Variants in LINGO2 observed in about 807,000 individuals in gnomAD.
The protein encoded by LINGO2 is leucine rich repeat and Ig domain containing 2, also known as leucine-rich repeat and immunoglobulin-like domain-containing nogo receptor-interacting protein 2.
A neutral mutation model predicts 30.6 loss-of-function variants in LINGO2; 14 were observed. The ratio of observed to expected loss-of-function variants is 0.46; its 90% confidence interval spans 0.30 to 0.72. The LOEUF (loss-of-function observed/expected upper bound fraction) is 0.72. LINGO2 is among the 30% of genes least tolerant of loss of function. The pLI is 0.07. For missense variants in LINGO2, 729 were observed against 751.7 expected, an observed-to-expected ratio of 0.97 and a Z score of 0.35; for synonymous variants, 317 against 288.5, an observed-to-expected ratio of 1.10 and a Z score of -1.00.
downstream of LINGO2, chr9:27,944,397 A>C (rs1823285341): frequency 6.6e-6 from 1 of 152,152 alleles, no homozygotes; most frequent in South Asian, 2.1e-4. Flanking sequence ...CTGGAATGTA[A>C]ATGAGAAGGC....
the LINGO2 span, chr9:27,941,860 T>A: frequency 6.6e-6 from 1 of 152,232 alleles, no homozygotes. Context: ...TTTATTTTTT[T>A]TGTGGCTTCC....
the LINGO2 span, among the ~76,000 whole-genome samples, chr9:29,124,108 A>T: frequency 5.3e-5 from 8 of 152,168 alleles, no homozygotes; most frequent in Admixed American, 2.6e-4. Context: ...ATAAAACCAC[A>T]CATCTACAAC....
At chr9:28,298,614 C>T (rs1225694948) in intron 3 of LINGO2, among the ~76,000 whole-genome samples, 17 of 149,060 alleles carry the variant, frequency 1.1e-4, no homozygotes, top group African/African-American at 4.0e-4. Context: ...ACCTGGGAGG[C>T]AGAGGTTGTG....
rs141883628 is a variant in LINGO2 at position 28,011,303 on chromosome 9, A to G, written c.-36+1052T>C. Among the ~76,000 whole-genome samples, 513 of 152,272 alleles carry G rather than the reference A, an allele frequency of 3.4e-3. 2 individuals carry two copies. Among genetic ancestry groups the G allele is most frequent in the Non-Finnish European group, 4.9e-3 (332 of 68,012 alleles). On this transcript the variant is annotated intron_variant, in intron 5 of 5. Transcript: ENST00000379992. ...CATTTGTTTGGAAAAATTCCTTCAC[A>G]GGTTGTTTTAGGAGGTGAGACAGGC... is the stretch of plus-strand genomic sequence containing the variant.
chr9:28,691,578 A>G, the LINGO2 span, among the ~76,000 whole-genome samples: 1 of 124,164 alleles, frequency 8.1e-6, no homozygotes, highest in Non-Finnish European at 1.9e-5. Context: ...AGAAACTGAG[A>G]AAAAAAAATT....
At chr9:29,160,034 G>T in the LINGO2 span, among the ~76,000 whole-genome samples, 3 of 152,100 alleles carry the variant, frequency 2.0e-5, no homozygotes, top group Non-Finnish European at 2.9e-5. Flanking sequence ...AATAGAATCT[G>T]GTGTTGAATT....
intron 3 of LINGO2, among the ~76,000 whole-genome samples, chr9:28,356,239 A>T (rs1352974735): frequency 2.6e-5 from 4 of 152,290 alleles, no homozygotes; most frequent in Admixed American, 2.6e-4. Flanking sequence ...TTTTAAAAAA[A>T]ATCATTGAAT....
intron 1 of LINGO2, among the ~76,000 whole-genome samples, chr9:28,537,615 G>C (rs1315190119): frequency 6.6e-6 from 1 of 151,764 alleles, no homozygotes; most frequent in Admixed American, 6.6e-5. Flanking sequence ...AGCTGAAGAA[G>C]AATTTAGTAA....
chr9:28,061,445 TTTTG>T (rs1356306382), intron 4 of LINGO2, among the ~76,000 whole-genome samples: 10 of 151,966 alleles, frequency 6.6e-5, no homozygotes, highest in Non-Finnish European at 1.2e-4. Flanking sequence ...CTTTTACCTT[TTTTG>T]TTTATGTGCA....
At chr9:28,403,004 A>G (rs1001085240) in intron 2 of LINGO2, among the ~76,000 whole-genome samples, 1 of 152,208 alleles carries the variant, frequency 6.6e-6, no homozygotes, top group Admixed American at 6.5e-5. Flanking sequence ...TTCTTAATGC[A>G]TAAAATAATG....
chr9:28,196,633 G>T (rs904728507), intron 4 of LINGO2, among the ~76,000 whole-genome samples: 7 of 152,000 alleles, frequency 4.6e-5, no homozygotes, highest in Admixed American at 1.3e-4. Flanking sequence ...CCATTTTTTA[G>T]ATAGGAAGAT....
exon 6 of LINGO2, chr9:27,949,108 T>G: frequency 6.2e-7 from 1 of 1,614,168 alleles, no homozygotes; most frequent in Non-Finnish European, 8.5e-7. Flanking sequence ...ATGGTGTCAT[T>G]GGAGTCGGTC....
chr9:28,150,367 A>T (rs1024513438), intron 4 of LINGO2, among the ~76,000 whole-genome samples: 4 of 152,108 alleles, frequency 2.6e-5, no homozygotes, highest in Admixed American at 6.5e-5. Flanking sequence ...CTTTTTAATT[A>T]AAAAAAAGGA....
At chr9:28,518,813 T>A (rs1256219430) in intron 1 of LINGO2, among the ~76,000 whole-genome samples, 1 of 152,158 alleles carries the variant, frequency 6.6e-6, no homozygotes, top group East Asian at 1.9e-4. Flanking sequence ...AACATTAAAT[T>A]TGTATGCTTT....
intron 1 of LINGO2, among the ~76,000 whole-genome samples, chr9:28,669,872 A>G (rs1828947931): frequency 6.6e-6 from 1 of 152,106 alleles, no homozygotes; most frequent in Non-Finnish European, 1.5e-5. Context: ...ATATTAGAAC[A>G]TGCTAAAATG....
intron 4 of LINGO2, among the ~76,000 whole-genome samples, chr9:28,280,279 A>G (rs1823272598): frequency 6.6e-6 from 1 of 152,174 alleles, no homozygotes; most frequent in Non-Finnish European, 1.5e-5. Context: ...TAAGATACAT[A>G]AGAGTCCACA....
chr9:28,134,053 T>C (rs1290352609), intron 4 of LINGO2, among the ~76,000 whole-genome samples: 1 of 152,204 alleles, frequency 6.6e-6, no homozygotes, highest in East Asian at 1.9e-4. Context: ...CTCCCTTATA[T>C]ACAACTCCCA....
the LINGO2 span, among the ~76,000 whole-genome samples, chr9:29,086,850 T>A: frequency 6.6e-6 from 1 of 152,114 alleles, no homozygotes; most frequent in Non-Finnish European, 1.5e-5. Flanking sequence ...GATTCAGCAT[T>A]TACTTTGGGG....
chr9:27,994,410 A>T (rs73439774), intron 5 of LINGO2, among the ~76,000 whole-genome samples: 8,414 of 152,192 alleles, frequency 0.055, 767 homozygotes, highest in African/African-American at 0.19. Flanking sequence ...AAAAGAACCA[A>T]ATAAGTAAAA....
Sources: allele counts gnomAD v4.1 joint callset (sites outside exome capture counted in the v4.1 genomes callset), GRCh38; gene constraint gnomAD v4.1.1; transcripts MANE v1.5; gene names NCBI Gene and HGNC (gene_info 2026-07-23, HGNC 2026-07-21).